The following PACSIN1 variants were observed in gnomAD, a reference collection of about 807,000 sequenced individuals.
PACSIN1 encodes protein kinase C and casein kinase substrate in neurons protein 1.
PACSIN1 carries 15 observed loss-of-function variants against 59.5 expected under a neutral mutation model. The ratio of observed to expected loss-of-function variants is 0.25; its 90% confidence interval spans 0.17 to 0.39. PACSIN1 has a LOEUF of 0.39. PACSIN1 is among the 10% of genes least tolerant of loss of function. The pLI, the probability that PACSIN1 is intolerant of heterozygous loss-of-function variation, is 1.00. For missense variants in PACSIN1, 420 were observed against 580.2 expected (o/e 0.72, Z 2.84); for synonymous variants, 210 against 220.6 (o/e 0.95, Z 0.42).
chr6:34,505,860 G>C (rs1767104468), intron 1 of PACSIN1, among the ~76,000 whole-genome samples: 1 of 151,464 alleles, frequency 6.6e-6, no homozygotes, highest in Non-Finnish European at 1.5e-5. Context: ...TCGAACTCCT[G>C]GCCTCAAGTG....
intron 1 of PACSIN1, among the ~76,000 whole-genome samples, chr6:34,523,948 C>T (rs1767440443): frequency 6.6e-6 from 1 of 152,200 alleles, no homozygotes; most frequent in African/African-American, 2.4e-5. Context: ...CTCACCACCT[C>T]ATCTAATCCT....
chr6:34,487,984 C>G (rs923568591), intron 1 of PACSIN1, among the ~76,000 whole-genome samples: 4 of 152,266 alleles, frequency 2.6e-5, no homozygotes, highest in Non-Finnish European at 5.9e-5. Flanking sequence ...GGTCTCTTTT[C>G]CTGGGGAGGC....
chr6:34,515,990 C>T lies in PACSIN1; in HGVS notation c.-63-10253C>T, dbSNP rs1016353233. Among the ~76,000 whole-genome samples the T allele has an allele frequency of 4.6e-5, 7 of 152,092 alleles. No individual in the cohort carries two copies. The highest frequency in any genetic ancestry group is 1.4e-4 in the African/African-American group (6 of 41,402). ...GGGCCCACAGGAGTTCACGGTGGGG[C>T]ACACCTGGTCCAGTTTTGCCCTGAA... On this transcript the variant is annotated intron_variant, in intron 1 of 9. Coordinates refer to ENST00000244458, the MANE Select transcript of PACSIN1 (RefSeq NM_020804.5). This position sits in a 1 kb window ranked among gnomAD's most constrained non-coding sequence, Gnocchi z 4.4.
chr6:34,534,784 G>T lies in PACSIN1; in HGVS notation c.*2254G>T, dbSNP rs1157568074. The T allele has an allele frequency of 2.0e-5, 3 of 152,798 alleles. No individual in the cohort carries two copies. The allele number at this position is 152,798 out of a possible 1,614,324, so 9.5% of individuals were successfully genotyped here. ...GTCCTCAGGGCCCCAGAGCGGGAGG[G>T]TCTCCTACCTGGAAGTCCCCCTGAG... On this transcript the variant is annotated 3_prime_UTR_variant, in exon 10 of 10. Coordinates refer to ENST00000244458, the MANE Select transcript of PACSIN1 (RefSeq NM_020804.5).
In PACSIN1 at chr6:34,466,122, A is replaced by T. The variant is rs1766492357; in HGVS notation, c.-212A>T. 1 of 152,054 alleles carries T rather than the reference A, an allele frequency of 6.6e-6. No individual in the cohort carries two copies. The highest frequency in any genetic ancestry group is 6.6e-5 in the Admixed American group (1 of 15,244). The allele number at this position is 152,054 out of a possible 1,614,324, so 9.4% of individuals were successfully genotyped here. A position where few individuals can be genotyped will look rare whatever the true frequency, so the allele number is the denominator to read the frequency against. ...CAGCTCTGACCTTCCTCCTTCCCGC[A>T]GCCCCGGCGAGATCCCAGAGCGACG... On this transcript the variant is annotated 5_prime_UTR_variant, in exon 1 of 10. Transcript: ENST00000244458.
Position 34,531,812 on chromosome 6 carries a change from C to A in PACSIN1, c.1225+25C>A, listed in dbSNP as rs775246838. ...GGTAGGACGGCTGGGCGGGGCAGTGCCTGAGAGAGGCTTGGGCCTGGATTG... is the reference window on the plus strand; with the variant it reads ...GGTAGGACGGCTGGGCGGGGCAGTGACTGAGAGAGGCTTGGGCCTGGATTG... On this transcript the variant is annotated intron_variant, in intron 9 of 9. Coordinates refer to ENST00000244458, the MANE Select transcript of PACSIN1 (RefSeq NM_020804.5). The surrounding 1 kb of genome is among the most constrained non-coding windows in gnomAD (Gnocchi z 4.4). 1.3e-6 allele frequency: 2 copies of A among 1,535,088 alleles called. No homozygotes were observed. The highest frequency in any genetic ancestry group is 8.8e-7 in the Non-Finnish European group (1 of 1,140,356).
At chr6:34,507,878 G>A (rs1160449921) in intron 1 of PACSIN1, among the ~76,000 whole-genome samples, 1 of 152,166 alleles carries the variant, frequency 6.6e-6, no homozygotes, top group Non-Finnish European at 1.5e-5. Context: ...GCTTGGGATA[G>A]GATTTCCTTT....
chr6:34,485,817 A>G (rs1186315654), intron 1 of PACSIN1, among the ~76,000 whole-genome samples: 2 of 152,184 alleles, frequency 1.3e-5, no homozygotes, highest in Non-Finnish European at 2.9e-5. Context: ...GGCGGACAGC[A>G]TGCTGCCAAG....
At chr6:34,473,763 G>T (rs1766603183) in intron 1 of PACSIN1, among the ~76,000 whole-genome samples, 1 of 152,150 alleles carries the variant, frequency 6.6e-6, no homozygotes, top group African/African-American at 2.4e-5. Context: ...CAGAAGTAGA[G>T]AAAATGTTAT....
At chr6:34,495,845 G>T (rs553021144) in intron 1 of PACSIN1, among the ~76,000 whole-genome samples, 2 of 152,144 alleles carry the variant, frequency 1.3e-5, no homozygotes, top group Non-Finnish European at 2.9e-5. Context: ...CATCTCCCCC[G>T]TTTCTAAAGG....
chr6:34,527,325 C>G lies in PACSIN1; in HGVS notation c.64-7C>G. 1 of 1,558,408 alleles carries G rather than the reference C, an allele frequency of 6.4e-7. No homozygotes were observed. On this transcript the variant is annotated splice_polypyrimidine_tract_variant and splice_region_variant and intron_variant, in intron 2 of 9. Transcript: ENST00000244458. ...CGCGGGAGTGGTGCTCGCTGCTTGG[C>G]CGCCAGGTGGGGAACTACAAGCGGA...
intron 1 of PACSIN1, among the ~76,000 whole-genome samples, chr6:34,523,542 G>T (rs1362740729): frequency 6.6e-6 from 1 of 152,232 alleles, no homozygotes; most frequent in Admixed American, 6.5e-5. Context: ...GGCTGAGCTA[G>T]CCTCACAGCC....
At chr6:34,470,175 CTATTAT>C (rs200734893) in intron 1 of PACSIN1, among the ~76,000 whole-genome samples, 2 of 151,452 alleles carry the variant, frequency 1.3e-5, no homozygotes, top group Non-Finnish European at 2.9e-5. Context: ...GAGGCCTTGG[CTATTAT>C]TATTATTATT....
intron 1 of PACSIN1, among the ~76,000 whole-genome samples, chr6:34,472,451 G>A (rs999392381): frequency 5.3e-5 from 8 of 152,152 alleles, no homozygotes; most frequent in Non-Finnish European, 1.2e-4. Flanking sequence ...GAGGGAGAAT[G>A]CGTCCTCTTT....
intron 1 of PACSIN1, among the ~76,000 whole-genome samples, chr6:34,468,578 C>T (rs1257900907): frequency 6.6e-6 from 1 of 152,210 alleles, no homozygotes; most frequent in African/African-American, 2.4e-5. Context: ...TTCAGTTCCT[C>T]AAGCAAGTGG....
chr6:34,509,061 T>G (rs986314154), intron 1 of PACSIN1, among the ~76,000 whole-genome samples: 1 of 152,232 alleles, frequency 6.6e-6, no homozygotes, highest in Non-Finnish European at 1.5e-5. Flanking sequence ...CCTGTGCTTT[T>G]GATGTCAGAT....
chr6:34,519,320 A>C (rs1767347129), intron 1 of PACSIN1, among the ~76,000 whole-genome samples: 1 of 151,970 alleles, frequency 6.6e-6, no homozygotes, highest in African/African-American at 2.4e-5. Flanking sequence ...TTGTGTTTCC[A>C]TCCTCCTCCT....
At chr6:34,496,707 A>T (rs567163043) in intron 1 of PACSIN1, among the ~76,000 whole-genome samples, 16 of 152,260 alleles carry the variant, frequency 1.1e-4, no homozygotes, top group African/African-American at 3.6e-4. Flanking sequence ...AGACCAGACA[A>T]AATGGCTTTG....
At position 34,535,181 on chromosome 6, in the gene PACSIN1, G is replaced by C. The variant is rs1394311360; in HGVS notation, c.*2651G>C. The C allele has an allele frequency of 2.0e-5, 3 of 152,232 alleles. No individual in the cohort carries two copies. Among genetic ancestry groups the C allele is most frequent in the Non-Finnish European group, 4.4e-5 (3 of 68,050 alleles). 9.4% of individuals were successfully genotyped at this position (152,232 alleles called of 1,614,324 possible). On this transcript the variant is annotated 3_prime_UTR_variant, in exon 10 of 10. Coordinates refer to ENST00000244458, the MANE Select transcript of PACSIN1 (RefSeq NM_020804.5). Reference sequence around the variant, plus strand: ...TAAATACAAATATATATATATATCAGTTGTGATTGTATGACTGTGGATAAA... The same window carrying C: ...TAAATACAAATATATATATATATCACTTGTGATTGTATGACTGTGGATAAA...
Sources: allele counts gnomAD v4.1 joint callset (sites outside exome capture counted in the v4.1 genomes callset), GRCh38; gene constraint gnomAD v4.1.1; non-coding constraint Gnocchi (gnomAD v3.1); transcripts MANE v1.5; gene names NCBI Gene and HGNC (gene_info 2026-07-23, HGNC 2026-07-21).